The following EML6 variants were observed in gnomAD, a reference collection of about 807,000 sequenced individuals.
The protein encoded by EML6 is EMAP like 6.
EML6 carries 154 observed loss-of-function variants against 240.1 expected under a neutral mutation model. The observed-to-expected ratio is 0.64, with a 90% CI of 0.56 to 0.73. The LOEUF (loss-of-function observed/expected upper bound fraction) is 0.73, where lower values mean the gene tolerates loss of function less well. Ranked by LOEUF, EML6 falls within the 30% of genes least tolerant of loss-of-function variation. EML6 has a pLI of 0.00. For synonymous variants in EML6, 1,148 were observed against 899.0 expected (o/e 1.28, Z -4.95); for missense variants, 2,964 against 2,474.6 (o/e 1.20, Z -4.20).
chr2:54,964,511 T>C, intron 37 of EML6, 60 bp from the exon 38 acceptor site: 1 of 1,504,628 alleles, frequency 6.6e-7, no homozygotes. Flanking sequence ...CCAGCCTTCG[T>C]GCCTGACCAG....
At chr2:54,884,080 C>G (rs1225389594) in intron 17 of EML6, among the ~76,000 whole-genome samples, 2 of 152,234 alleles carry the variant, frequency 1.3e-5, no homozygotes, top group Admixed American at 1.3e-4. Flanking sequence ...CCGTTCTATT[C>G]TGACACTGTC....
At chr2:54,820,311 G>C (rs1668273276) in intron 4 of EML6, 83 bp from the exon 5 acceptor site, 1 of 760,940 alleles carries the variant, frequency 1.3e-6, no homozygotes, top group Middle Eastern at 2.3e-4. Context: ...TGTTATAGTA[G>C]AGTCTTGGCA....
At chr2:54,925,421 A>T (rs943256198) in intron 26 of EML6, among the ~76,000 whole-genome samples, 2 of 152,166 alleles carry the variant, frequency 1.3e-5, no homozygotes, top group East Asian at 1.9e-4. Context: ...ATTGAGTTCT[A>T]TGTCATCAGT....
chr2:54,836,709 C>T (rs1669163625), intron 7 of EML6, among the ~76,000 whole-genome samples: 1 of 152,198 alleles, frequency 6.6e-6, no homozygotes, highest in African/African-American at 2.4e-5. Flanking sequence ...GGGCCTGGTA[C>T]TCAGGAGGGC....
intron 24 of EML6, among the ~76,000 whole-genome samples, chr2:54,907,381 C>T (rs1318737557): frequency 1.3e-5 from 2 of 152,070 alleles, no homozygotes; most frequent in African/African-American, 4.8e-5. Context: ...GTGGCGGGCG[C>T]CTGTAATCCC....
intron 28 of EML6, among the ~76,000 whole-genome samples, chr2:54,948,316 T>C (rs1299475220): frequency 1.3e-5 from 2 of 151,966 alleles, no homozygotes; most frequent in Non-Finnish European, 2.9e-5. Context: ...GCGGGAGTGC[T>C]GTCTGTCTCC....
chr2:54,836,178 G>T (rs992206067), intron 7 of EML6, among the ~76,000 whole-genome samples: 2 of 152,170 alleles, frequency 1.3e-5, no homozygotes, highest in Admixed American at 6.5e-5. Context: ...GTGTGCGCAA[G>T]TTCCGTGTGT....
intron 11 of EML6, among the ~76,000 whole-genome samples, chr2:54,854,949 T>A (rs147187258): frequency 6.6e-6 from 1 of 152,212 alleles, no homozygotes; most frequent in East Asian, 1.9e-4. Flanking sequence ...GAAACAACAT[T>A]GGGGTCAGTG....
chr2:54,857,895 A>T (rs192487472), intron 11 of EML6, among the ~76,000 whole-genome samples: 36 of 152,352 alleles, frequency 2.4e-4, no homozygotes, highest in African/African-American at 8.4e-4. Context: ...GATAAGGCCT[A>T]AGTATTAATG....
chr2:54,952,334 T>C (rs890706232), intron 30 of EML6, among the ~76,000 whole-genome samples: 2 of 151,870 alleles, frequency 1.3e-5, no homozygotes, highest in Non-Finnish European at 2.9e-5. Flanking sequence ...CCACACAGAG[T>C]TGTGGGAAGT....
rs370707681 is a variant in EML6 at position 54,787,691 on chromosome 2, G to A, written c.198-25541G>A. 1.1e-4 allele frequency among the ~76,000 whole-genome samples: 16 copies of A among 152,322 alleles called. No homozygotes were observed. In the South Asian group the frequency reaches 2.7e-3, roughly 26 times the overall value. On this transcript the variant is annotated intron_variant, in intron 2 of 41. Coordinates refer to ENST00000356458, the MANE Select transcript of EML6 (RefSeq NM_001039753.4). Reference sequence around the variant, plus strand: ...AGCATTTTGCTCATGGGGAACTTGGGAGTCGTGTCTGGAGATGTCTCAGTC... The same window carrying A: ...AGCATTTTGCTCATGGGGAACTTGGAAGTCGTGTCTGGAGATGTCTCAGTC...
intron 2 of EML6, among the ~76,000 whole-genome samples, chr2:54,787,674 G>C (rs1669163915): frequency 6.6e-6 from 1 of 152,168 alleles, no homozygotes; most frequent in African/African-American, 2.4e-5. Context: ...GGAGCATTTT[G>C]CTCATGGGGA....
intron 8 of EML6, among the ~76,000 whole-genome samples, chr2:54,846,143 G>T (rs1669739840): frequency 6.6e-6 from 1 of 152,134 alleles, no homozygotes. Context: ...TACTGGCCAG[G>T]AGTCCTGTGA....
At position 54,969,494 on chromosome 2, in the gene EML6, A is replaced by G. The variant is rs868519366; in HGVS notation, c.5853-577A>G. 5.9e-5 allele frequency among the ~76,000 whole-genome samples: 9 copies of G among 152,336 alleles called. No individual in the cohort carries two copies. The East Asian group carries it at 1.4e-3, about 23-fold the overall frequency. ...GCTGTGCTGGCTACTTCTGGCACTT[A>G]TAGCCCTTGAGATAGTACCGCCAGC... is the stretch of plus-strand genomic sequence containing the variant. On this transcript the variant is annotated intron_variant, in intron 41 of 41. Coordinates refer to ENST00000356458, the MANE Select transcript of EML6 (RefSeq NM_001039753.4).
chr2:54,804,462 A>G (rs1175864216), intron 2 of EML6, among the ~76,000 whole-genome samples: 4 of 152,238 alleles, frequency 2.6e-5, no homozygotes, highest in Admixed American at 2.6e-4. Flanking sequence ...GCACTGTAAG[A>G]CTAGCCATGC....
At chr2:54,890,309 C>T (rs950932911) in intron 17 of EML6, among the ~76,000 whole-genome samples, 24 of 152,246 alleles carry the variant, frequency 1.6e-4, no homozygotes, top group Admixed American at 9.2e-4. Context: ...TAAGGCAGAT[C>T]GGTCAGTCAT....
At chr2:54,766,767 A>G (rs1004828619) in intron 2 of EML6, among the ~76,000 whole-genome samples, 3 of 152,166 alleles carry the variant, frequency 2.0e-5, no homozygotes, top group Non-Finnish European at 4.4e-5. Flanking sequence ...TGATTGCCAA[A>G]TTAGATTCTG....
intron 2 of EML6, among the ~76,000 whole-genome samples, chr2:54,805,553 T>A (rs568561568): frequency 3.3e-5 from 5 of 152,206 alleles, no homozygotes; most frequent in African/African-American, 1.2e-4. Context: ...TATTAAATTA[T>A]AAGCATTTTT....
chr2:54,742,875 A>G (rs1042805247), intron 2 of EML6, among the ~76,000 whole-genome samples: 1 of 152,198 alleles, frequency 6.6e-6, no homozygotes, highest in Non-Finnish European at 1.5e-5. Flanking sequence ...GAATTTCATC[A>G]TTGATAGGTC....
Sources: gnomAD v4.1 joint callset for allele counts (sites outside exome capture counted in the v4.1 genomes callset) on GRCh38, gnomAD v4.1.1 for gene constraint, MANE v1.5 for transcripts, NCBI Gene and HGNC (gene_info 2026-07-23, HGNC 2026-07-21) for gene names.